ITGB6: variants seen among roughly 807,000 people sequenced by gnomAD.
The protein encoded by ITGB6 is integrin beta-6.
In ITGB6, 80 loss-of-function variants were observed where a neutral mutation model predicts 84.5. The observed-to-expected ratio is 0.95, with a 90% confidence interval of 0.79 to 1.14. ITGB6 has a LOEUF of 1.14. ITGB6 is among the 50% of genes most tolerant of loss of function. The pLI, the probability that ITGB6 is intolerant of heterozygous loss-of-function variation, is 0.00. For synonymous variants in ITGB6, 383 were observed against 354.9 expected (o/e 1.08, Z -0.89); for missense variants, 1,006 against 968.0 (o/e 1.04, Z -0.52).
chr2:160,183,846 C>T (rs187739793), intron 4 of ITGB6, among the ~76,000 whole-genome samples: 29 of 152,270 alleles, frequency 1.9e-4, no homozygotes, highest in African/African-American at 6.7e-4. Context: ...TCACTCAAAA[C>T]CACACAACTA....
At chr2:160,198,508 C>T (rs541677494) in intron 2 of ITGB6, among the ~76,000 whole-genome samples, 19 of 152,338 alleles carry the variant, frequency 1.2e-4, no homozygotes, top group African/African-American at 4.6e-4. Flanking sequence ...TGCCTCTCTT[C>T]CTTACCATGA....
chr2:160,159,876 T>C (rs1684755451), intron 7 of ITGB6, among the ~76,000 whole-genome samples: 1 of 152,216 alleles, frequency 6.6e-6, no homozygotes, highest in Non-Finnish European at 1.5e-5. Flanking sequence ...TTGTAATTGG[T>C]TGTTTTTTCA....
At chr2:160,146,970 T>G (rs1040127312) in intron 7 of ITGB6, among the ~76,000 whole-genome samples, 2 of 151,442 alleles carry the variant, frequency 1.3e-5, no homozygotes, top group East Asian at 3.9e-4. Flanking sequence ...CATGTTGGTG[T>G]GCACCTGCAG....
At chr2:160,192,760 A>G (rs910247841) in intron 4 of ITGB6, among the ~76,000 whole-genome samples, 5 of 152,140 alleles carry the variant, frequency 3.3e-5, no homozygotes, top group Admixed American at 2.0e-4. Flanking sequence ...ACTTGTATCC[A>G]GCATATATAA....
chr2:160,173,866 A>G, intron 5 of ITGB6, 108 bp downstream of exon 5: 1 of 961,288 alleles, frequency 1.0e-6, no homozygotes, highest in Non-Finnish European at 1.5e-6. Flanking sequence ...GAAATATAGA[A>G]ATTTAGAGAT....
intron 7 of ITGB6, among the ~76,000 whole-genome samples, chr2:160,147,099 A>G (rs1041957719): frequency 8.6e-5 from 13 of 151,584 alleles, no homozygotes; most frequent in Middle Eastern, 3.4e-3. Context: ...AAAAAAAAAA[A>G]AAGAAAGAAA....
chr2:160,149,020 C>T (rs1439892604), intron 7 of ITGB6, among the ~76,000 whole-genome samples: 1 of 152,228 alleles, frequency 6.6e-6, no homozygotes, highest in Non-Finnish European at 1.5e-5. Context: ...GTAGGCAGGG[C>T]ATAGCTGAAC....
At chr2:160,165,641 G>A (rs1684974576) in intron 7 of ITGB6, among the ~76,000 whole-genome samples, 1 of 152,198 alleles carries the variant, frequency 6.6e-6, no homozygotes, top group African/African-American at 2.4e-5. Flanking sequence ...ATTTCCACAA[G>A]CCACACAAGG....
intron 7 of ITGB6, among the ~76,000 whole-genome samples, chr2:160,157,015 G>A (rs1204183935): frequency 6.6e-6 from 1 of 152,136 alleles, no homozygotes; most frequent in Non-Finnish European, 1.5e-5. Flanking sequence ...CTGGAAGTCT[G>A]AGCTCCATGC....
chr2:160,166,176 T>C (rs181647509), intron 7 of ITGB6, among the ~76,000 whole-genome samples: 1 of 152,308 alleles, frequency 6.6e-6, no homozygotes, highest in African/African-American at 2.4e-5. Context: ...CTCTCATGCT[T>C]TAGAAACATT....
intron 11 of ITGB6, among the ~76,000 whole-genome samples, chr2:160,126,077 T>C (rs1683228152): frequency 6.6e-6 from 1 of 152,182 alleles, no homozygotes; most frequent in African/African-American, 2.4e-5. Flanking sequence ...GTGGCTGGTA[T>C]TGTAATGGAG....
rs546886658 is a variant in ITGB6 at position 160,150,643 on chromosome 2, A to T, written c.1018-8572T>A. Among the ~76,000 whole-genome samples the T allele has an allele frequency of 2.6e-5, 4 of 152,350 alleles. No individual in the cohort carries two copies. In the South Asian group the frequency reaches 8.3e-4, roughly 32 times the overall value. On this transcript the variant is annotated intron_variant, in intron 7 of 14. Transcript: ENST00000283249. ...AAATGTAAAGGGGCTAAATGTCCCAATTAAAAGACACAGACTGGCAAATTG... is the reference window on the plus strand; with the variant it reads ...AAATGTAAAGGGGCTAAATGTCCCATTTAAAAGACACAGACTGGCAAATTG...
intron 4 of ITGB6, among the ~76,000 whole-genome samples, chr2:160,183,536 T>C (rs934313288): frequency 6.6e-6 from 1 of 152,126 alleles, no homozygotes; most frequent in African/African-American, 2.4e-5. Context: ...CACACAATAA[T>C]AGTGGGAGAC....
At chr2:160,175,410 A>G (rs947565805) in intron 4 of ITGB6, among the ~76,000 whole-genome samples, 2 of 152,254 alleles carry the variant, frequency 1.3e-5, no homozygotes, top group African/African-American at 2.4e-5. Context: ...AAACAAAAAA[A>G]CCCAAAACAA....
At chr2:160,180,872 T>C (rs1236688137) in intron 4 of ITGB6, among the ~76,000 whole-genome samples, 3 of 152,170 alleles carry the variant, frequency 2.0e-5, no homozygotes, top group African/African-American at 7.2e-5. Context: ...CACCTCACCA[T>C]GGAAGCGCAA....
In ITGB6 at chr2:160,101,785, G is replaced by T. The variant is rs765876600; in HGVS notation, c.2318C>A (p.Thr773Asn). 4.4e-6 allele frequency: 7 copies of T among 1,602,488 alleles called. No individual in the cohort carries two copies. In the South Asian group the frequency reaches 7.7e-5, roughly 18 times the overall value. The change falls in exon 15 of 15, where the codon ACT (threonine) becomes AAT (asparagine). Residue 773 changes from threonine (T) to asparagine (N), a missense_variant. By Grantham distance (65) the Thr-to-Asn change is moderately conservative (BLOSUM62 0). Coordinates refer to ENST00000283249, the MANE Select transcript of ITGB6 (RefSeq NM_000888.5). ...RGSTSTFKNV[T>N]YKHREKQKVD... ...CTTTTGTTTTTCCCTGTGTTTATAA[G>T]TTACATTTTTAAAAGTACTTGTGGA... is the stretch of plus-strand genomic sequence containing the variant.
intron 2 of ITGB6, among the ~76,000 whole-genome samples, chr2:160,198,247 GC>G (rs754502624): frequency 6.6e-6 from 1 of 152,158 alleles, no homozygotes; most frequent in Non-Finnish European, 1.5e-5. Flanking sequence ...GTTGGTCAAG[GC>G]CGTAGTAAGG....
intron 4 of ITGB6, among the ~76,000 whole-genome samples, chr2:160,182,785 G>A (rs1171426113): frequency 2.0e-5 from 3 of 152,218 alleles, no homozygotes; most frequent in African/African-American, 7.2e-5. Flanking sequence ...CAGACTAACA[G>A]CATATCTCTC....
intron 2 of ITGB6, 21 bp downstream of exon 2, chr2:160,199,158 C>T (rs1686455425): frequency 6.3e-7 from 1 of 1,592,020 alleles, no homozygotes; most frequent in Admixed American, 1.7e-5. Flanking sequence ...TTTAAAAACA[C>T]ATTGAGGTCA....
Sources: gnomAD v4.1 joint callset for allele counts (sites outside exome capture counted in the v4.1 genomes callset) on GRCh38, gnomAD v4.1.1 for gene constraint, MANE v1.5 for transcripts, NCBI Gene and HGNC (gene_info 2026-07-23, HGNC 2026-07-21) for gene names.